The following WASF2 variants were observed in gnomAD, a reference collection of about 807,000 sequenced individuals.
WASF2 encodes the protein actin-binding protein WASF2.
Under a neutral mutation model 45.0 loss-of-function variants are expected in WASF2, and 14 were observed. The observed-to-expected ratio is 0.31, with a 90% CI of 0.21 to 0.49. WASF2 has a LOEUF of 0.49. Among genes scored for constraint, WASF2 ranks in the 20% least tolerant of loss-of-function variants. WASF2 has a pLI of 0.99. For missense variants in WASF2, 439 were observed against 636.1 expected, an observed-to-expected ratio of 0.69 and a Z score of 3.33; for synonymous variants, 200 against 236.3, an observed-to-expected ratio of 0.85 and a Z score of 1.41.
At chr1:27,436,382 G>A (rs2017138403) in intron 1 of WASF2, among the ~76,000 whole-genome samples, 1 of 152,136 alleles carries the variant, frequency 6.6e-6, no homozygotes, top group Non-Finnish European at 1.5e-5. Flanking sequence ...GAGCCTTGGA[G>A]GTTGCAGAGA....
chr1:27,487,798 T>TATAC (rs2017966784), intron 1 of WASF2, among the ~76,000 whole-genome samples: 1 of 139,768 alleles, frequency 7.2e-6, no homozygotes, highest in African/African-American at 2.6e-5. Context: ...CTTATTATGT[T>TATAC]ATACATATAT....
At chr1:27,420,106 G>C (rs2016885430) in intron 2 of WASF2, among the ~76,000 whole-genome samples, 1 of 151,986 alleles carries the variant, frequency 6.6e-6, no homozygotes, top group East Asian at 1.9e-4. Context: ...GGATTTGCCA[G>C]GTTGCCCAGG....
At chr1:27,452,184 C>G (rs1387457302) in intron 1 of WASF2, among the ~76,000 whole-genome samples, 1 of 152,194 alleles carries the variant, frequency 6.6e-6, no homozygotes, top group Non-Finnish European at 1.5e-5. Flanking sequence ...TTTCTTAATG[C>G]TTTAAAATTA....
At chr1:27,463,917 A>G (rs1228390335) in intron 1 of WASF2, among the ~76,000 whole-genome samples, 1 of 150,854 alleles carries the variant, frequency 6.6e-6, no homozygotes, top group African/African-American at 2.4e-5. Context: ...GATTAAAGGC[A>G]TGTGCCACCA....
rs1386238028 is a variant in WASF2 at position 27,407,909 on chromosome 1, T to A, written c.*280A>T. The A allele has an allele frequency of 3.0e-6, 1 of 328,972 alleles. No individual in the cohort carries two copies. The allele number at this position is 328,972 out of a possible 1,614,324, so 20.4% of individuals were successfully genotyped here. On this transcript the variant is annotated 3_prime_UTR_variant, in exon 9 of 9. Transcript: ENST00000618852. ...CCGATCAAAGGAATCTGCTTTGGGA[T>A]TTCTCCTTCCTTTCAATATGCAACA... is the stretch of plus-strand genomic sequence containing the variant.
At chr1:27,411,403 C>A (rs1461643871) in intron 7 of WASF2, among the ~76,000 whole-genome samples, 1 of 152,216 alleles carries the variant, frequency 6.6e-6, no homozygotes, top group Non-Finnish European at 1.5e-5. Context: ...GTTTCATCCC[C>A]CTTTTCCCTT....
chr1:27,489,018 G>A (rs548402877), intron 1 of WASF2, among the ~76,000 whole-genome samples: 2 of 152,130 alleles, frequency 1.3e-5, no homozygotes, highest in Middle Eastern at 3.4e-3. Flanking sequence ...TAACCCTCCT[G>A]AATTCTGGAC....
chr1:27,467,178 T>C (rs1323200771), intron 1 of WASF2, among the ~76,000 whole-genome samples: 3 of 140,656 alleles, frequency 2.1e-5, no homozygotes, highest in African/African-American at 8.0e-5. Context: ...AATGCCACAC[T>C]GCACTACAGC....
chr1:27,477,120 C>T (rs1290435083), intron 1 of WASF2, among the ~76,000 whole-genome samples: 1 of 152,010 alleles, frequency 6.6e-6, no homozygotes, highest in Non-Finnish European at 1.5e-5. Context: ...GTACCTGTAC[C>T]TAGAATAGAA....
At chr1:27,485,423 TAAAAAAAG>T (rs946587643) in intron 1 of WASF2, among the ~76,000 whole-genome samples, 4 of 151,352 alleles carry the variant, frequency 2.6e-5, no homozygotes, top group African/African-American at 4.8e-5. Flanking sequence ...CTCTACTGTT[TAAAAAAAG>T]AAAAAAAGAA....
rs771544745 is a variant in WASF2 at position 27,409,711 on chromosome 1, C to T, written c.1320G>A (p.Leu440=). ...LPAVSDARSD[L]LSAIRQGFQL... ...ATTTACCTTGACGGATGGCTGAAAG[C>T]AGGTCGCTACGGGCATCGCTCACGG... The change falls in exon 8 of 9, where the codon CTG becomes CTA. Residue 440 remains leucine (L), a synonymous_variant. Coordinates refer to ENST00000618852, the MANE Select transcript of WASF2 (RefSeq NM_006990.5). The T allele has an allele frequency of 8.0e-6, 12 of 1,500,536 alleles. No homozygotes were observed. Among genetic ancestry groups the T allele is most frequent in the South Asian group, 2.8e-5 (2 of 71,140 alleles). The allele number at this position is 1,500,536 out of a possible 1,614,324, so 93.0% of individuals were successfully genotyped here.
intron 1 of WASF2, among the ~76,000 whole-genome samples, chr1:27,429,501 C>G (rs1387695771): frequency 1.3e-5 from 2 of 152,198 alleles, no homozygotes; most frequent in Non-Finnish European, 2.9e-5. Context: ...CTAGGCCGGG[C>G]ATGGTGGCTC....
intron 1 of WASF2, among the ~76,000 whole-genome samples, chr1:27,439,453 C>T (rs1396875931): frequency 2.6e-5 from 4 of 152,010 alleles, no homozygotes; most frequent in Non-Finnish European, 4.4e-5. Flanking sequence ...AGCTTCAGGT[C>T]GTATTAATGG....
intron 1 of WASF2, among the ~76,000 whole-genome samples, chr1:27,464,958 A>G (rs2017595165): frequency 6.6e-6 from 1 of 152,176 alleles, no homozygotes; most frequent in South Asian, 2.1e-4. Context: ...TGAACTCCTG[A>G]CTTTGTGATC....
At chr1:27,485,241 T>C (rs1419310383) in intron 1 of WASF2, among the ~76,000 whole-genome samples, 1 of 152,054 alleles carries the variant, frequency 6.6e-6, no homozygotes, top group African/African-American at 2.4e-5. Context: ...TTCTCTTAAA[T>C]GCTATACAAA....
At chr1:27,454,181 ATATATATT>A (rs1313194983) in intron 1 of WASF2, among the ~76,000 whole-genome samples, 12 of 9,764 alleles carry the variant, frequency 1.2e-3, no homozygotes, top group South Asian at 0.014. Flanking sequence ...ATATATATAT[ATATATATT>A]TTTTTTTTTT....
intron 1 of WASF2, among the ~76,000 whole-genome samples, chr1:27,434,950 C>G (rs1039881696): frequency 6.6e-6 from 1 of 151,958 alleles, no homozygotes; most frequent in African/African-American, 2.4e-5. Flanking sequence ...AGTTATCATG[C>G]AATTTTTTTT....
chr1:27,443,644 G>T (rs2017275185), intron 1 of WASF2, among the ~76,000 whole-genome samples: 1 of 152,054 alleles, frequency 6.6e-6, no homozygotes, highest in Non-Finnish European at 1.5e-5. Context: ...ATATAGCTTG[G>T]TAAATCCAGA....
chr1:27,440,422 T>C (rs559965493), intron 1 of WASF2, among the ~76,000 whole-genome samples: 31 of 151,958 alleles, frequency 2.0e-4, no homozygotes, highest in African/African-American at 7.5e-4. Context: ...CTCAGGAGGC[T>C]GATATGGGAG....
Sources: gnomAD v4.1 joint callset for allele counts (sites outside exome capture counted in the v4.1 genomes callset) on GRCh38, gnomAD v4.1.1 for gene constraint, MANE v1.5 for transcripts, NCBI Gene and HGNC (gene_info 2026-07-23, HGNC 2026-07-21) for gene names.